The following KIFAP3 variants were observed in gnomAD, a reference collection of about 807,000 sequenced individuals.
KIFAP3 encodes kinesin associated protein 3.
In KIFAP3, 68 loss-of-function variants were observed where a neutral mutation model predicts 106.5. The ratio of observed to expected loss-of-function variants is 0.64; its 90% CI spans 0.53 to 0.78. The LOEUF is 0.78. Ranked by LOEUF, KIFAP3 falls within the 30% of genes least tolerant of loss-of-function variation. KIFAP3 has a pLI of 0.00. For synonymous variants in KIFAP3, 320 were observed against 311.5 expected (o/e 1.03, Z -0.29); for missense variants, 780 against 941.8 (o/e 0.83, Z 2.25).
At chr1:170,059,754 G>A (rs977703508) in intron 1 of KIFAP3, among the ~76,000 whole-genome samples, 3 of 152,176 alleles carry the variant, frequency 2.0e-5, no homozygotes, top group African/African-American at 7.2e-5. Flanking sequence ...GAACATCGAT[G>A]CAAAAATCCT....
At chr1:169,983,945 C>T (rs932332507) in intron 12 of KIFAP3, among the ~76,000 whole-genome samples, 5 of 151,740 alleles carry the variant, frequency 3.3e-5, no homozygotes, top group African/African-American at 1.2e-4. Context: ...CAGTTATTAA[C>T]AAATATGCTT....
intron 1 of KIFAP3, among the ~76,000 whole-genome samples, chr1:170,067,002 A>G (rs151119525): frequency 1.1e-3 from 165 of 152,250 alleles, no homozygotes; most frequent in African/African-American, 3.9e-3. Flanking sequence ...TTCAGAAAAA[A>G]CTAGATAATT....
intron 17 of KIFAP3, among the ~76,000 whole-genome samples, chr1:169,969,401 G>T (rs1000861019): frequency 6.6e-6 from 1 of 151,938 alleles, no homozygotes; most frequent in African/African-American, 2.4e-5. Flanking sequence ...CCATAACAAC[G>T]GGTGATGTAG....
At chr1:169,928,855 C>T (rs1018308337) in intron 19 of KIFAP3, among the ~76,000 whole-genome samples, 6 of 151,946 alleles carry the variant, frequency 3.9e-5, no homozygotes, top group Non-Finnish European at 8.8e-5. Flanking sequence ...TATGCTTCAT[C>T]AAATAACTGA....
At chr1:170,047,403 C>T (rs1670312845) in intron 2 of KIFAP3, among the ~76,000 whole-genome samples, 2 of 151,566 alleles carry the variant, frequency 1.3e-5, no homozygotes, top group Admixed American at 6.6e-5. Flanking sequence ...AGGGGGATCA[C>T]GAGGTCAGGA....
chr1:169,954,808 C>T (rs935575578), intron 18 of KIFAP3, among the ~76,000 whole-genome samples: 8 of 152,078 alleles, frequency 5.3e-5, no homozygotes, highest in Admixed American at 1.3e-4. Context: ...TGATTACCTA[C>T]GCTAAATAGT....
chr1:170,061,372 C>G (rs1437588985), intron 1 of KIFAP3, among the ~76,000 whole-genome samples: 1 of 152,202 alleles, frequency 6.6e-6, no homozygotes, highest in Non-Finnish European at 1.5e-5. Context: ...AGGCACTTCT[C>G]AAAAGAAGAC....
intron 11 of KIFAP3, among the ~76,000 whole-genome samples, chr1:169,987,986 A>C (rs903136019): frequency 1.3e-5 from 2 of 152,048 alleles, no homozygotes; most frequent in Non-Finnish European, 2.9e-5. Flanking sequence ...ACCCACTGAG[A>C]CCATTAAGAT....
intron 19 of KIFAP3, among the ~76,000 whole-genome samples, chr1:169,931,162 C>T (rs966047714): frequency 1.1e-4 from 17 of 152,034 alleles, no homozygotes; most frequent in African/African-American, 3.1e-4. Flanking sequence ...TCAGGTGATC[C>T]GCCTGCCTCA....
intron 15 of KIFAP3, among the ~76,000 whole-genome samples, chr1:169,979,769 G>A (rs1385606558): frequency 1.3e-5 from 2 of 151,988 alleles, no homozygotes; most frequent in South Asian, 2.1e-4. Flanking sequence ...CTACTCCTAC[G>A]TGTGAACCTA....
rs2101754735 is a variant in KIFAP3, at chr1:169,921,486, TGTCA to T, written c.*186_*189del. The T allele has an allele frequency of 1.0e-5, 5 of 477,060 alleles. No homozygotes were observed. In the East Asian group the frequency reaches 1.4e-4, roughly 13 times the overall value. The allele number at this position is 477,060 out of a possible 1,614,324, so 29.6% of individuals were successfully genotyped here. ...AAGATGTGGTTTGATGAGTGAACAA[TGTCA>T]GTATCAACTGTACTTAACAGAAGAC... On this transcript the variant is annotated 3_prime_UTR_variant, in exon 20 of 20. Coordinates refer to ENST00000361580, the MANE Select transcript of KIFAP3 (RefSeq NM_014970.4).
chr1:169,966,423 G>A (rs1463342381), intron 17 of KIFAP3, among the ~76,000 whole-genome samples: 2 of 143,738 alleles, frequency 1.4e-5, no homozygotes, highest in Non-Finnish European at 3.0e-5. Context: ...AATTAAATAT[G>A]TGTGTATGGT....
chr1:170,055,314 C>T lies in KIFAP3; in HGVS notation c.155G>A (p.Cys52Tyr). ...CAAATAAAGAACTTACATTTTTTGA[C>T]ATTCTTTTCGTTCTCCCAACATGGG... ...GDPMLGERKE[C>Y]QKIIRLKSLN... Residue 52 changes from cysteine (C) to tyrosine (Y), a missense_variant, in exon 2 of 20, where the codon TGT (cysteine) becomes TAT (tyrosine). This residue lies in a region of KIFAP3 where 588 missense variants were observed against 678.9 expected (regional missense o/e 0.87). Coordinates refer to ENST00000361580, the MANE Select transcript of KIFAP3 (RefSeq NM_014970.4). 2 of 1,594,730 alleles carry T rather than the reference C, an allele frequency of 1.3e-6. No individual in the cohort carries two copies. The highest frequency in any genetic ancestry group is 1.2e-5 in the South Asian group (1 of 86,888).
At chr1:169,982,396 G>A (rs975188007) in intron 14 of KIFAP3, among the ~76,000 whole-genome samples, 5 of 152,028 alleles carry the variant, frequency 3.3e-5, no homozygotes, top group African/African-American at 7.2e-5. Flanking sequence ...ACCTTTGTGC[G>A]TGTTTATGTA....
At chr1:169,923,138 G>T in intron 19 of KIFAP3, 5 of 975,134 alleles carry the variant, frequency 5.1e-6, no homozygotes, top group Non-Finnish European at 6.1e-6. Flanking sequence ...TTTGTACTGA[G>T]CGATTCTGGA....
At chr1:170,017,313 G>A (rs1371305346) in intron 9 of KIFAP3, among the ~76,000 whole-genome samples, 1 of 147,312 alleles carries the variant, frequency 6.8e-6, no homozygotes, top group Non-Finnish European at 1.5e-5. Context: ...AAAATACAAT[G>A]TGATAAAAAC....
intron 19 of KIFAP3, among the ~76,000 whole-genome samples, chr1:169,931,614 C>CTT (rs1306918682): frequency 6.6e-6 from 1 of 152,218 alleles, no homozygotes; most frequent in Non-Finnish European, 1.5e-5. Context: ...GTTAAGGGAA[C>CTT]TTGCTGAGCG....
At chr1:170,063,247 T>C (rs538564748) in intron 1 of KIFAP3, among the ~76,000 whole-genome samples, 94 of 152,348 alleles carry the variant, frequency 6.2e-4, no homozygotes, top group Non-Finnish European at 2.2e-4. Flanking sequence ...ATTGCTCTGA[T>C]AGATAACAAC....
intron 19 of KIFAP3, among the ~76,000 whole-genome samples, chr1:169,926,650 GT>G (rs1316714632): frequency 6.9e-6 from 1 of 143,970 alleles, no homozygotes; most frequent in Non-Finnish European, 1.5e-5. Flanking sequence ...GTAACATTAA[GT>G]TTTTTCTGTA....
Sources: allele counts gnomAD v4.1 joint callset (sites outside exome capture counted in the v4.1 genomes callset), GRCh38; gene constraint gnomAD v4.1.1; regional missense constraint gnomAD v4.1.1; transcripts MANE v1.5; gene names NCBI Gene and HGNC (gene_info 2026-07-23, HGNC 2026-07-21).